The following POU6F2 variants were observed in gnomAD, a reference collection of about 807,000 sequenced individuals.
The protein encoded by POU6F2 is POU class 6 homeobox 2.
Under a neutral mutation model 71.3 loss-of-function variants are expected in POU6F2, and 31 were observed. The ratio of observed to expected loss-of-function variants is 0.43; its 90% CI spans 0.33 to 0.59. POU6F2 has a LOEUF of 0.59. Ranked by LOEUF, POU6F2 falls within the 20% of genes least tolerant of loss-of-function variation. The pLI, the probability that POU6F2 is intolerant of heterozygous loss-of-function variation, is 0.04. For missense variants in POU6F2, 783 were observed against 856.8 expected, an observed-to-expected ratio of 0.91 and a Z score of 1.07; for synonymous variants, 347 against 355.7, an observed-to-expected ratio of 0.98 and a Z score of 0.27.
chr7:39,048,368 G>T (rs956465945), intron 1 of POU6F2, among the ~76,000 whole-genome samples: 2 of 151,452 alleles, frequency 1.3e-5, no homozygotes, highest in African/African-American at 4.8e-5. Flanking sequence ...CTCTCACCCT[G>T]CACCCTCAAG....
At chr7:39,371,515 G>A (rs1254351603) in intron 5 of POU6F2, among the ~76,000 whole-genome samples, 9 of 152,096 alleles carry the variant, frequency 5.9e-5, no homozygotes, top group African/African-American at 2.2e-4. Context: ...GGGGCTCGGA[G>A]CACTAACGGC....
chr7:39,203,604 A>C (rs537285606), intron 2 of POU6F2, among the ~76,000 whole-genome samples: 13 of 152,222 alleles, frequency 8.5e-5, no homozygotes, highest in Non-Finnish European at 1.3e-4. Flanking sequence ...GATTCTGGTA[A>C]AGGAAGCAAG....
intron 4 of POU6F2, among the ~76,000 whole-genome samples, chr7:39,293,430 T>C (rs1292096182): frequency 1.3e-5 from 2 of 152,236 alleles, no homozygotes; most frequent in African/African-American, 4.8e-5. Context: ...ATCTGCAGTC[T>C]ATTCATATAA....
At chr7:39,139,207 G>A (rs1172885341) in intron 2 of POU6F2, among the ~76,000 whole-genome samples, 1 of 152,184 alleles carries the variant, frequency 6.6e-6, no homozygotes, top group Non-Finnish European at 1.5e-5. Context: ...CTCACTGATA[G>A]AAATGTAATA....
intron 2 of POU6F2, among the ~76,000 whole-genome samples, chr7:39,195,001 C>G (rs1793755443): frequency 6.6e-6 from 1 of 152,174 alleles, no homozygotes; most frequent in African/African-American, 2.4e-5. Flanking sequence ...AACTGTAACA[C>G]TCACCACGAG....
chr7:39,085,775 G>C, intron 1 of POU6F2, 85 bp from the exon 2 acceptor site: 2 of 1,342,206 alleles, frequency 1.5e-6, no homozygotes, highest in Non-Finnish European at 2.1e-6. Context: ...AGAGAGAGAA[G>C]AGAGAGGGAG....
chr7:39,346,726 A>G (rs1786040141), intron 5 of POU6F2, among the ~76,000 whole-genome samples: 1 of 152,224 alleles, frequency 6.6e-6, no homozygotes, highest in Non-Finnish European at 1.5e-5. Context: ...CTTGGCCAGT[A>G]TTTATGTGAA....
intron 4 of POU6F2, among the ~76,000 whole-genome samples, chr7:39,244,996 C>G (rs1783795853): frequency 1.3e-5 from 2 of 152,138 alleles, no homozygotes. Flanking sequence ...TTCACAGCAG[C>G]CCATGAAAAA....
intron 2 of POU6F2, among the ~76,000 whole-genome samples, chr7:39,127,139 A>C (rs1458626582): frequency 6.6e-6 from 1 of 152,242 alleles, no homozygotes; most frequent in African/African-American, 2.4e-5. Context: ...GATATTTTAC[A>C]TTCTCTTTTG....
At chr7:39,193,389 T>G (rs949959732) in intron 2 of POU6F2, among the ~76,000 whole-genome samples, 2 of 152,182 alleles carry the variant, frequency 1.3e-5, no homozygotes, top group Non-Finnish European at 2.9e-5. Context: ...CAGGTTCCAT[T>G]AGATGCAGAG....
intron 1 of POU6F2, chr7:39,006,863 T>G (rs746504808): frequency 6.2e-7 from 1 of 1,613,568 alleles, no homozygotes; most frequent in Admixed American, 1.7e-5. Context: ...AGTGCTCTTC[T>G]TCAGGTATTT....
At chr7:39,075,119 G>C (rs1790972043) in intron 1 of POU6F2, among the ~76,000 whole-genome samples, 1 of 152,096 alleles carries the variant, frequency 6.6e-6, no homozygotes, top group South Asian at 2.1e-4. Context: ...TCTGTTATAG[G>C]TCAAAAGGCA....
intron 4 of POU6F2, among the ~76,000 whole-genome samples, chr7:39,247,383 G>A (rs1335150146): frequency 2.0e-5 from 3 of 151,968 alleles, no homozygotes; most frequent in Admixed American, 6.6e-5. Context: ...CCCAGTAGGC[G>A]GAGGTTACAG....
intron 4 of POU6F2, among the ~76,000 whole-genome samples, chr7:39,260,079 C>T (rs535124930): frequency 2.6e-5 from 4 of 151,622 alleles, no homozygotes; most frequent in Non-Finnish European, 4.4e-5. Flanking sequence ...ATACGATACA[C>T]ACACCACACG....
intron 1 of POU6F2, among the ~76,000 whole-genome samples, chr7:39,053,715 T>C (rs1248280679): frequency 1.3e-5 from 2 of 152,064 alleles, no homozygotes; most frequent in African/African-American, 4.8e-5. Flanking sequence ...AAACTTTTCC[T>C]CAGGCTGTCA....
At chr7:39,015,696 A>G (rs1454518090) in intron 1 of POU6F2, among the ~76,000 whole-genome samples, 6 of 94,222 alleles carry the variant, frequency 6.4e-5, no homozygotes, top group Admixed American at 3.0e-4. Context: ...ATATCTATAT[A>G]TTATATATAT....
intron 1 of POU6F2, among the ~76,000 whole-genome samples, chr7:39,075,561 T>C (rs1229260762): frequency 6.6e-6 from 1 of 152,250 alleles, no homozygotes; most frequent in Non-Finnish European, 1.5e-5. Flanking sequence ...AATAAATCTC[T>C]TCTTCTTCTA....
At chr7:39,209,252 A>G (rs1173852189) in intron 4 of POU6F2, among the ~76,000 whole-genome samples, 1 of 152,106 alleles carries the variant, frequency 6.6e-6, no homozygotes, top group Non-Finnish European at 1.5e-5. Context: ...TCTTTGAGTC[A>G]CCTCTGGTTT....
intron 2 of POU6F2, among the ~76,000 whole-genome samples, chr7:39,086,543 C>T (rs1791249206): frequency 6.6e-6 from 1 of 152,106 alleles, no homozygotes; most frequent in African/African-American, 2.4e-5. Flanking sequence ...AACATTGTGT[C>T]ATCACAATCA....
Sources: allele counts gnomAD v4.1 joint callset (sites outside exome capture counted in the v4.1 genomes callset), GRCh38; gene constraint gnomAD v4.1.1; transcripts MANE v1.5; gene names NCBI Gene and HGNC (gene_info 2026-07-23, HGNC 2026-07-21).